The following IFI16 variants were observed in gnomAD, a reference collection of about 807,000 sequenced individuals.
IFI16 encodes interferon gamma inducible protein 16.
In IFI16, 49 loss-of-function variants were observed where a neutral mutation model predicts 68.4. The ratio of observed to expected loss-of-function variants is 0.72; its 90% CI spans 0.57 to 0.91. The LOEUF (loss-of-function observed/expected upper bound fraction) is 0.91. Among genes scored for constraint, IFI16 ranks in the 40% least tolerant of loss-of-function variants. The probability of loss-of-function intolerance (pLI) is 0.00; values close to 1 mark genes in which losing one functional copy is unlikely to be tolerated. For missense variants in IFI16, 878 were observed against 942.9 expected (o/e 0.93, Z 0.90); for synonymous variants, 307 against 315.0 (o/e 0.97, Z 0.27).
At chr1:159,036,531 C>A (rs1654338961) in intron 7 of IFI16, among the ~76,000 whole-genome samples, 1 of 152,212 alleles carries the variant, frequency 6.6e-6, no homozygotes, top group Non-Finnish European at 1.5e-5. Flanking sequence ...AAAGCTTGAG[C>A]ATTTAATGAT....
intron 7 of IFI16, among the ~76,000 whole-genome samples, chr1:159,039,556 C>G (rs969734420): frequency 6.6e-6 from 1 of 152,114 alleles, no homozygotes; most frequent in Non-Finnish European, 1.5e-5. Context: ...GTTGGCCAGA[C>G]TGGTCTTGAA....
At chr1:159,041,663 A>G (rs1461680196) in intron 7 of IFI16, among the ~76,000 whole-genome samples, 4 of 152,174 alleles carry the variant, frequency 2.6e-5, no homozygotes, top group African/African-American at 9.7e-5. Context: ...AGATCCAAGA[A>G]TCTAAGGCCA....
At chr1:159,033,409 G>A (rs1450466919) in intron 7 of IFI16, among the ~76,000 whole-genome samples, 1 of 152,182 alleles carries the variant, frequency 6.6e-6, no homozygotes, top group African/African-American at 2.4e-5. Context: ...GTAGACCAGA[G>A]CAAACCTACA....
chr1:159,006,603 G>A (rs996540541), upstream of IFI16, among the ~76,000 whole-genome samples: 1 of 151,978 alleles, frequency 6.6e-6, no homozygotes, highest in African/African-American at 2.4e-5. Flanking sequence ...TAAATTAAGG[G>A]GTCAATTGGA....
upstream of IFI16, chr1:159,009,333 A>G (rs778139527): frequency 7.2e-5 from 11 of 152,356 alleles, no homozygotes; most frequent in Admixed American, 3.9e-4. Flanking sequence ...TGGAAAGCCC[A>G]GGCTTGTCAG....
In IFI16 at chr1:159,018,276, T is replaced by C. The variant is rs1444367138; in HGVS notation, c.597T>C (p.Val199=). 1 of 1,613,924 alleles carries C rather than the reference T, an allele frequency of 6.2e-7. No individual in the cohort carries two copies. The highest frequency in any genetic ancestry group is 1.3e-5 in the African/African-American group (1 of 74,876). The change falls in exon 5 of 12, where the codon GTT becomes GTC. Residue 199 remains valine, a synonymous_variant. Coordinates refer to ENST00000295809, the MANE Select transcript of IFI16 (RefSeq NM_001376587.1). ...GTCAGGTAACTCCCAGAAGAAATGTTCTCCAAAAACGCCCAGTGATAGTGA... is the reference window on the plus strand; with the variant it reads ...GTCAGGTAACTCCCAGAAGAAATGTCCTCCAAAAACGCCCAGTGATAGTGA... ...AKCQVTPRRN[V]LQKRPVIVKV...
intron 6 of IFI16, among the ~76,000 whole-genome samples, chr1:159,027,391 GTGCATTATCTT>G (rs1653736553): frequency 6.6e-6 from 1 of 152,080 alleles, no homozygotes; most frequent in Non-Finnish European, 1.5e-5. Context: ...CTTGATCATG[GTGCATTATCTT>G]GACATGCTGT....
rs1652899059 is a variant in IFI16, at chr1:159,015,967, G to A, written c.361G>A (p.Glu121Lys). The A allele has an allele frequency of 6.2e-7, 1 of 1,613,742 alleles. No individual in the cohort carries two copies. Among genetic ancestry groups the A allele is most frequent in the East Asian group, 2.2e-5 (1 of 44,884 alleles). ...TSSTVKTEGAEATPGAQKRKK... is the reference protein window; with the variant it reads ...TSSTVKTEGAKATPGAQKRKK... ...CAGCACTGTCAAAACTGAAGGAGCA[G>A]AGGCAACTCCTGGAGCTCAGGTAAG... The change falls in exon 3 of 12, where the codon GAG (glutamate) becomes AAG (lysine). Residue 121 changes from glutamate to lysine, a missense_variant. Physicochemically the swap from Glu to Lys is moderately conservative, Grantham distance 56. Coordinates refer to ENST00000295809, the MANE Select transcript of IFI16 (RefSeq NM_001376587.1).
At chr1:159,000,645 A>G (rs949512715) in intron 1 of IFI16, among the ~76,000 whole-genome samples, 19 of 152,224 alleles carry the variant, frequency 1.2e-4, no homozygotes, top group African/African-American at 3.9e-4. Flanking sequence ...TGTGCAATTT[A>G]AATTTTTTGA....
chr1:159,053,411 C>T, intron 10 of IFI16, 122 bp from the exon 11 acceptor site: 2 of 594,822 alleles, frequency 3.4e-6, no homozygotes, highest in South Asian at 4.8e-5. Context: ...ACCTGTTATT[C>T]AGGACCTACA....
chr1:159,031,390 G>A (rs1287139073), intron 6 of IFI16, among the ~76,000 whole-genome samples: 1 of 152,178 alleles, frequency 6.6e-6, no homozygotes, highest in African/African-American at 2.4e-5. Context: ...CGAAACTTCA[G>A]CTGGAAGTTT....
intron 10 of IFI16, 39 bp downstream of exon 10, chr1:159,052,137 A>T (rs1290549867): frequency 1.3e-6 from 2 of 1,520,006 alleles, no homozygotes; most frequent in African/African-American, 1.4e-5. Context: ...TTCTCCTGCA[A>T]CCTCCAATTT....
intron 6 of IFI16, among the ~76,000 whole-genome samples, chr1:159,021,805 A>G (rs1653335691): frequency 6.6e-6 from 1 of 152,024 alleles, no homozygotes; most frequent in Non-Finnish European, 1.5e-5. Flanking sequence ...TTGCACGAGT[A>G]ATGTGGCATC....
At chr1:159,041,505 A>G (rs1344957070) in intron 7 of IFI16, among the ~76,000 whole-genome samples, 1 of 152,184 alleles carries the variant, frequency 6.6e-6, no homozygotes, top group Non-Finnish European at 1.5e-5. Flanking sequence ...TATTACCTGT[A>G]TGTGTACTCA....
At chr1:159,030,872 T>TGGG (rs1194511565) in intron 6 of IFI16, among the ~76,000 whole-genome samples, 1 of 9,066 alleles carries the variant, frequency 1.1e-4, no homozygotes, top group African/African-American at 2.5e-4. Context: ...TCTCAGGTGG[T>TGGG]GGGTGGGGGG....
Position 159,020,541 on chromosome 1 carries a change from A to G in IFI16, c.1161+12A>G, listed in dbSNP as rs1557866918. On this transcript the variant is annotated intron_variant, in intron 6 of 11. Coordinates refer to ENST00000295809, the MANE Select transcript of IFI16 (RefSeq NM_001376587.1). ...ATAGTTTTATCCAGGTAAGAATTAA[A>G]TAGGCAAATATTAGTTTTCCAAAGT... The G allele has an allele frequency of 6.4e-7, 1 of 1,555,876 alleles. No individual in the cohort carries two copies. The highest frequency in any genetic ancestry group is 8.8e-7 in the Non-Finnish European group (1 of 1,138,822).
At chr1:159,027,301 T>C (rs1653731008) in intron 6 of IFI16, among the ~76,000 whole-genome samples, 1 of 152,194 alleles carries the variant, frequency 6.6e-6, no homozygotes, top group Non-Finnish European at 1.5e-5. Context: ...GATTTTTGTT[T>C]TTAATTATAT....
intron 7 of IFI16, among the ~76,000 whole-genome samples, chr1:159,044,403 T>A (rs2101907116): frequency 6.6e-6 from 1 of 152,256 alleles, no homozygotes; most frequent in East Asian, 1.9e-4. Context: ...TTGTTTGGGG[T>A]TTATTTCCAT....
At position 159,019,951 on chromosome 1, in the gene IFI16, A is replaced by AT. The variant is rs111395567; in HGVS notation, c.973-388dup. Among the ~76,000 whole-genome samples, 233 of 152,306 alleles carry AT rather than the reference A, an allele frequency of 1.5e-3. 2 individuals carry two copies. The highest frequency in any genetic ancestry group is 0.01 in the Middle Eastern group (3 of 294). ...ACCAGAAGCTTGCTTTTTCTTACAG[A>AT]TTCCTCATAAGTCACTGAATAAATA... On this transcript the variant is annotated intron_variant, in intron 5 of 11. Transcript: ENST00000295809.
Sources: allele counts gnomAD v4.1 joint callset (sites outside exome capture counted in the v4.1 genomes callset), GRCh38; gene constraint gnomAD v4.1.1; transcripts MANE v1.5; gene names NCBI Gene and HGNC (gene_info 2026-07-23, HGNC 2026-07-21).